LRP1B: variants seen among roughly 807,000 people sequenced by gnomAD.
The protein encoded by LRP1B is low-density lipoprotein receptor-related protein 1B.
Under a neutral mutation model 556.6 loss-of-function variants are expected in LRP1B, and 217 were observed. That is an observed-to-expected ratio of 0.39 (90% CI 0.35 to 0.44). The LOEUF (loss-of-function observed/expected upper bound fraction) is 0.44. Ranked by LOEUF, LRP1B falls within the 20% of genes least tolerant of loss-of-function variation. LRP1B has a pLI of 1.00. For missense variants in LRP1B, 5,053 were observed against 5,620.8 expected, an observed-to-expected ratio of 0.90 and a Z score of 3.23; for synonymous variants, 2,047 against 1,865.8, an observed-to-expected ratio of 1.10 and a Z score of -2.50.
At chr2:141,867,890 A>G (rs2105796285) in intron 1 of LRP1B, among the ~76,000 whole-genome samples, 1 of 152,246 alleles carries the variant, frequency 6.6e-6, no homozygotes, top group South Asian at 2.1e-4. Flanking sequence ...TTAATTCACC[A>G]TGTAAAGGGC....
chr2:140,626,630 G>A (rs982345817), intron 41 of LRP1B, among the ~76,000 whole-genome samples: 5 of 150,940 alleles, frequency 3.3e-5, no homozygotes, highest in Admixed American at 2.6e-4. Flanking sequence ...CTTCCTGTAT[G>A]CAAAGGAAAG....
intron 6 of LRP1B, among the ~76,000 whole-genome samples, chr2:141,201,437 C>T (rs1379751904): frequency 2.0e-5 from 3 of 152,106 alleles, no homozygotes; most frequent in Non-Finnish European, 4.4e-5. Flanking sequence ...GTTTATGGCT[C>T]TTGTTCCTAT....
At chr2:141,555,644 TTG>T (rs1480773260) in intron 2 of LRP1B, among the ~76,000 whole-genome samples, 2 of 152,116 alleles carry the variant, frequency 1.3e-5, no homozygotes, top group South Asian at 2.1e-4. Context: ...TCTGAATTAT[TTG>T]TGTTTTTTGA....
At chr2:140,417,926 G>A (rs1268179846) in intron 66 of LRP1B, among the ~76,000 whole-genome samples, 2 of 152,160 alleles carry the variant, frequency 1.3e-5, no homozygotes, top group East Asian at 1.9e-4. Flanking sequence ...GAGCACACAC[G>A]TCTCCTCACT....
chr2:141,318,965 T>C (rs1200095257), intron 3 of LRP1B, among the ~76,000 whole-genome samples: 2 of 152,030 alleles, frequency 1.3e-5, no homozygotes, highest in African/African-American at 4.8e-5. Context: ...ACTATAGCCT[T>C]CTTCATAATG....
chr2:140,520,810 A>G (rs942100672), intron 49 of LRP1B, among the ~76,000 whole-genome samples: 3 of 149,960 alleles, frequency 2.0e-5, no homozygotes, highest in African/African-American at 7.3e-5. Flanking sequence ...AAAAAAAAAA[A>G]AAAAGAAAAT....
At chr2:141,237,707 G>A (rs532015222) in intron 5 of LRP1B, among the ~76,000 whole-genome samples, 2 of 152,042 alleles carry the variant, frequency 1.3e-5, no homozygotes, top group Non-Finnish European at 2.9e-5. Flanking sequence ...TGTTTTTCTG[G>A]AAGAAGATCC....
intron 3 of LRP1B, among the ~76,000 whole-genome samples, chr2:141,415,023 G>A (rs1691034722): frequency 7.0e-6 from 1 of 142,036 alleles, no homozygotes; most frequent in African/African-American, 2.5e-5. Context: ...GTTTTGTTTT[G>A]TTTTGTTTTG....
At chr2:140,603,386 TG>T (rs1199572782) in intron 41 of LRP1B, among the ~76,000 whole-genome samples, 1 of 152,118 alleles carries the variant, frequency 6.6e-6, no homozygotes, top group Non-Finnish European at 1.5e-5. Context: ...CCTTTGCCAG[TG>T]TATTTTTTAA....
chr2:142,064,746 T>G (rs1705043187), intron 1 of LRP1B, among the ~76,000 whole-genome samples: 2 of 151,608 alleles, frequency 1.3e-5, no homozygotes, highest in South Asian at 4.1e-4. Context: ...ACACTAAAAC[T>G]ATCTGTATCT....
intron 50 of LRP1B, 138 bp from the exon 51 acceptor site, chr2:140,514,910 G>A (rs1056656822): frequency 8.4e-6 from 7 of 832,522 alleles, no homozygotes; most frequent in Admixed American, 6.3e-5. Flanking sequence ...TCTTTTCTAT[G>A]ACAATTCTAT....
At chr2:140,644,037 C>T (rs1030929069) in intron 41 of LRP1B, among the ~76,000 whole-genome samples, 23 of 152,182 alleles carry the variant, frequency 1.5e-4, no homozygotes, top group Admixed American at 1.1e-3. Flanking sequence ...TCTCGTTACT[C>T]TAGTAACATT....
chr2:142,040,284 AT>A (rs1463844795), intron 1 of LRP1B, among the ~76,000 whole-genome samples: 1 of 151,400 alleles, frequency 6.6e-6, no homozygotes, highest in Admixed American at 6.6e-5. Flanking sequence ...AAATCAAAAA[AT>A]GTCCATGTTT....
chr2:141,827,463 T>A (rs1368122164), intron 1 of LRP1B, among the ~76,000 whole-genome samples: 2 of 152,174 alleles, frequency 1.3e-5, no homozygotes, highest in Non-Finnish European at 2.9e-5. Context: ...TGCCCAGCCT[T>A]CATTATGAGG....
intron 3 of LRP1B, among the ~76,000 whole-genome samples, chr2:141,274,715 C>T (rs1685220435): frequency 1.3e-5 from 2 of 151,842 alleles, no homozygotes; most frequent in South Asian, 4.2e-4. Flanking sequence ...TAAATAATAC[C>T]ATTATAAAGC....
chr2:141,435,227 G>A (rs1680718697), intron 3 of LRP1B, among the ~76,000 whole-genome samples: 1 of 152,124 alleles, frequency 6.6e-6, no homozygotes, highest in African/African-American at 2.4e-5. Flanking sequence ...TTGTATTTAA[G>A]TCTCTTATGG....
At chr2:140,462,057 A>G (rs1687347480) in intron 60 of LRP1B, among the ~76,000 whole-genome samples, 1 of 152,200 alleles carries the variant, frequency 6.6e-6, no homozygotes, top group South Asian at 2.1e-4. Flanking sequence ...AGGTCAACTT[A>G]TGCTTCACCC....
chr2:141,058,842 A>G (rs764489546), intron 9 of LRP1B, 41 bp downstream of exon 9: 27 of 1,498,842 alleles, frequency 1.8e-5, no homozygotes, highest in Non-Finnish European at 2.2e-5. Flanking sequence ...TCCCCATTCA[A>G]TCTACCATTA....
chr2:140,869,902 C>A (rs771633721), intron 25 of LRP1B, among the ~76,000 whole-genome samples: 1 of 151,994 alleles, frequency 6.6e-6, no homozygotes, highest in Non-Finnish European at 1.5e-5. Flanking sequence ...AAGTATGGTA[C>A]TTTGGCATGC....
Sources: allele counts gnomAD v4.1 joint callset (sites outside exome capture counted in the v4.1 genomes callset), GRCh38; gene constraint gnomAD v4.1.1; transcripts MANE v1.5; gene names NCBI Gene and HGNC (gene_info 2026-07-23, HGNC 2026-07-21).